Variants in WNK2 observed in about 807,000 individuals in gnomAD.
The protein encoded by WNK2 is serine/threonine-protein kinase WNK2.
In WNK2, 67 loss-of-function variants were observed where a neutral mutation model predicts 192.1. The ratio of observed to expected loss-of-function variants is 0.35; its 90% CI spans 0.29 to 0.43. The LOEUF (loss-of-function observed/expected upper bound fraction) is 0.43. WNK2 is among the 20% of genes least tolerant of loss of function. The pLI, the probability that WNK2 is intolerant of heterozygous loss-of-function variation, is 1.00. For synonymous variants in WNK2, 1,439 were observed against 1,393.9 expected (o/e 1.03, Z -0.72); for missense variants, 2,698 against 3,089.7 (o/e 0.87, Z 3.01).
chr9:93,226,580 GT>G (rs1246434364), intron 2 of WNK2, among the ~76,000 whole-genome samples: 2 of 152,128 alleles, frequency 1.3e-5, no homozygotes, highest in African/African-American at 4.8e-5. Flanking sequence ...CTGTTATGAT[GT>G]GGAACATTTC....
At chr9:93,319,041 C>T in intron 29 of WNK2, 1 of 1,561,704 alleles carries the variant, frequency 6.4e-7, no homozygotes, top group Non-Finnish European at 8.7e-7. Context: ...TAAGAGATTT[C>T]TGTTCTCTGT....
In WNK2 at chr9:93,299,097, C is replaced by A. The variant is rs745415350; in HGVS notation, c.5951C>A (p.Pro1984His). Residue 1984 changes from proline to histidine, a missense_variant, in exon 25 of 30, where the codon CCT becomes CAT. Physicochemically the swap from Pro to His is moderately conservative, Grantham distance 77. Transcript: ENST00000427277. ...CACTTGGCTGACTCCAGCAGAGGCC[C>A]TCCCGCTAAGGACCCTGCCCAAGCC... ...TGHLADSSRG[P>H]PAKDPAQASV... 1.9e-6 allele frequency: 3 copies of A among 1,611,088 alleles called. No individual in the cohort carries two copies. In the Admixed American group the frequency reaches 5.0e-5, roughly 27 times the overall value.
At chr9:93,277,611 C>A (rs1166716630) in intron 19 of WNK2, among the ~76,000 whole-genome samples, 1 of 152,118 alleles carries the variant, frequency 6.6e-6, no homozygotes, top group Non-Finnish European at 1.5e-5. Context: ...TGTATAATTC[C>A]ATTTATAATG....
At chr9:93,211,671 C>T (rs1388308999) in intron 2 of WNK2, among the ~76,000 whole-genome samples, 2 of 151,678 alleles carry the variant, frequency 1.3e-5, no homozygotes, top group South Asian at 2.1e-4. Context: ...CTCACTCATT[C>T]ACTCCTATTC....
chr9:93,273,607 T>G (rs891473516), intron 19 of WNK2, among the ~76,000 whole-genome samples: 2 of 152,164 alleles, frequency 1.3e-5, no homozygotes, highest in African/African-American at 2.4e-5. Flanking sequence ...TCTCGATAGA[T>G]AGAACTAGTA....
intron 9 of WNK2, among the ~76,000 whole-genome samples, chr9:93,255,330 G>C (rs961154708): frequency 6.6e-6 from 1 of 152,172 alleles, no homozygotes; most frequent in Non-Finnish European, 1.5e-5. Context: ...TCTGGAGCAC[G>C]AGGCCACTTG....
intron 27 of WNK2, chr9:93,308,093 TG>T: frequency 1.3e-6 from 1 of 759,174 alleles, no homozygotes; most frequent in Non-Finnish European, 2.1e-6. Flanking sequence ...TCCTGTCCCC[TG>T]GCCTGGCTTC....
Position 93,185,292 on chromosome 9 carries a change from G to A in WNK2, c.363G>A (p.Thr121=). Residue 121 remains threonine (T), a synonymous_variant, in exon 2 of 30, where the codon ACG becomes ACA. Coordinates refer to ENST00000427277, the MANE Select transcript of WNK2 (RefSeq NM_006648.4). ...PADAGPEPVG[T]QEPGPDPIAA... is the part of the protein sequence containing the mutation. ...ACGCCGGCCCCGAGCCCGTGGGCAC[G>A]CAGGAGCCCGGCCCGGACCCCATCG... is the stretch of plus-strand genomic sequence containing the variant. 1 of 1,408,012 alleles carries A rather than the reference G, an allele frequency of 7.1e-7. No homozygotes were observed. Among genetic ancestry groups the A allele is most frequent in the Non-Finnish European group, 9.2e-7 (1 of 1,087,982 alleles). The allele number at this position is 1,408,012 out of a possible 1,614,324, so 87.2% of individuals were successfully genotyped here. A position where few individuals can be genotyped will look rare whatever the true frequency, so the allele number is the denominator to read the frequency against.
intron 23 of WNK2, among the ~76,000 whole-genome samples, chr9:93,293,942 G>C (rs62571758): frequency 1.3e-5 from 2 of 151,054 alleles, no homozygotes; most frequent in Admixed American, 1.3e-4. Context: ...CTCTGTCTCT[G>C]TCTCTCTCTC....
At chr9:93,250,259 C>T (rs1022206431) in intron 8 of WNK2, among the ~76,000 whole-genome samples, 1 of 152,100 alleles carries the variant, frequency 6.6e-6, no homozygotes, top group Non-Finnish European at 1.5e-5. Flanking sequence ...ATGCATGCCC[C>T]ACGTGTGTGT....
rs777654336 is a variant in WNK2 at position 93,261,897 on chromosome 9, C to T, written c.3150C>T (p.Leu1050=). 1.2e-6 allele frequency: 2 copies of T among 1,604,330 alleles called. No individual in the cohort carries two copies. The highest frequency in any genetic ancestry group is 1.7e-6 in the Non-Finnish European group (2 of 1,179,684). The change falls in exon 13 of 30, where the codon CTC becomes CTT. Residue 1050 remains leucine (L), a synonymous_variant. Transcript: ENST00000427277. The part of the protein sequence containing the change: ...PTVPVPPAAV[L]SPPLPEVLLP... ...TGCCTGTGCCACCGGCTGCGGTCCT[C>T]TCGCCGCCTCTGCCGGAAGTGCTGC...
intron 2 of WNK2, among the ~76,000 whole-genome samples, chr9:93,213,211 G>C (rs575363227): frequency 1.3e-5 from 2 of 152,144 alleles, no homozygotes; most frequent in Non-Finnish European, 2.9e-5. Context: ...TGGGAACCCC[G>C]GGCTCTGAAG....
intron 4 of WNK2, among the ~76,000 whole-genome samples, chr9:93,232,209 T>G (rs1183121213): frequency 6.6e-6 from 1 of 152,144 alleles, no homozygotes; most frequent in African/African-American, 2.4e-5. Context: ...AAAATGAGAC[T>G]CCAGAGCTGC....
chr9:93,289,516 C>T lies in WNK2; in HGVS notation c.4762C>T (p.Leu1588=). The T allele has an allele frequency of 6.2e-7, 1 of 1,602,754 alleles. No individual in the cohort carries two copies. Among genetic ancestry groups the T allele is most frequent in the Non-Finnish European group, 8.5e-7 (1 of 1,172,612 alleles). The part of the protein sequence containing the change: ...VGDRDFTLEP[L]RGDQPRSEVC... Reference sequence around the variant, plus strand: ...CGACAGAGACTTCACCCTGGAGCCCCTGAGAGGGGACCAGCCCCGCTCAGA... The same window carrying T: ...CGACAGAGACTTCACCCTGGAGCCCTTGAGAGGGGACCAGCCCCGCTCAGA... The change falls in exon 20 of 30, where the codon CTG becomes TTG. Residue 1588 remains leucine (L), a synonymous_variant. Transcript: ENST00000427277.
At chr9:93,224,881 G>A (rs1837538849) in intron 2 of WNK2, among the ~76,000 whole-genome samples, 1 of 152,244 alleles carries the variant, frequency 6.6e-6, no homozygotes, top group East Asian at 1.9e-4. Context: ...AATCACTTAG[G>A]GATCAGGTGC....
chr9:93,313,002 TGTAA>T (rs534297500), intron 28 of WNK2, among the ~76,000 whole-genome samples: 246 of 152,362 alleles, frequency 1.6e-3, no homozygotes, highest in Middle Eastern at 3.4e-3. Context: ...CTAGTGAATT[TGTAA>T]GTGTCAGTTA....
At position 93,232,461 on chromosome 9, in the gene WNK2, C is replaced by T. The variant is rs145310661; in HGVS notation, c.1075+1353C>T. Among the ~76,000 whole-genome samples, 150 of 152,322 alleles carry T rather than the reference C, an allele frequency of 9.8e-4. 2 individuals are homozygous for T. The highest frequency in any genetic ancestry group is 2.8e-3 in the African/African-American group (117 of 41,566). On this transcript the variant is annotated intron_variant, in intron 4 of 29. Transcript: ENST00000427277. ...GAGAGCCCATGCCCAGGGCTTTGAG[C>T]TCTGTGCACTTTCTGGGCAGATTTT... is the stretch of plus-strand genomic sequence containing the variant.
chr9:93,284,023 A>G (rs759778716), intron 19 of WNK2, among the ~76,000 whole-genome samples: 16 of 152,234 alleles, frequency 1.1e-4, no homozygotes, highest in Non-Finnish European at 1.8e-4. Context: ...AATCAGGCAC[A>G]TATGTTTGGA....
chr9:93,186,193 C>G (rs1360244015), intron 2 of WNK2, among the ~76,000 whole-genome samples: 1 of 152,198 alleles, frequency 6.6e-6, no homozygotes, highest in Admixed American at 6.5e-5. Flanking sequence ...CTGGGGACAG[C>G]TGGGCAAGGC....
Sources: allele counts gnomAD v4.1 joint callset (sites outside exome capture counted in the v4.1 genomes callset), GRCh38; gene constraint gnomAD v4.1.1; transcripts MANE v1.5; gene names NCBI Gene and HGNC (gene_info 2026-07-23, HGNC 2026-07-21).